Variants in ERMP1 observed in about 807,000 individuals in gnomAD.
ERMP1 encodes the protein endoplasmic reticulum metallopeptidase 1, also known as Felix-ina.
In ERMP1, 86 loss-of-function variants were observed where a neutral mutation model predicts 92.0. The ratio of observed to expected loss-of-function variants is 0.93; its 90% CI spans 0.79 to 1.12. The LOEUF (loss-of-function observed/expected upper bound fraction) is 1.12, where lower values mean the gene tolerates loss of function less well. ERMP1 is among the 50% of genes most tolerant of loss of function. The pLI is 0.00. For synonymous variants in ERMP1, 530 were observed against 412.8 expected (o/e 1.28, Z -3.44); for missense variants, 1,342 against 1,116.3 (o/e 1.20, Z -2.88).
intron 13 of ERMP1, among the ~76,000 whole-genome samples, chr9:5,790,319 T>C (rs1396298428): frequency 1.3e-5 from 2 of 151,932 alleles, no homozygotes; most frequent in Non-Finnish European, 1.5e-5. Flanking sequence ...TAAACATTCA[T>C]AAATGCCAGA....
At chr9:5,801,383 A>T (rs1020641913) in intron 10 of ERMP1, 55 bp from the exon 11 acceptor site, 7 of 1,551,704 alleles carry the variant, frequency 4.5e-6, no homozygotes, top group Non-Finnish European at 6.1e-6. Flanking sequence ...AGTGGTGGAA[A>T]GGTGTTTTTA....
intron 5 of ERMP1, among the ~76,000 whole-genome samples, chr9:5,861,063 T>C (rs932047984): frequency 3.9e-5 from 6 of 152,076 alleles, no homozygotes; most frequent in African/African-American, 1.4e-4. Flanking sequence ...TGGTATTCTG[T>C]TATAGCCACA....
intron 10 of ERMP1, among the ~76,000 whole-genome samples, chr9:5,801,923 T>C (rs1413488801): frequency 6.6e-6 from 1 of 152,172 alleles, no homozygotes; most frequent in Non-Finnish European, 1.5e-5. Flanking sequence ...TGTAAATGAC[T>C]CAGTCTCAAG....
At chr9:5,789,819 G>A (rs913807195) in intron 13 of ERMP1, among the ~76,000 whole-genome samples, 2 of 150,756 alleles carry the variant, frequency 1.3e-5, no homozygotes, top group Admixed American at 1.3e-4. Context: ...AAGTAGCTGG[G>A]ACTACAGATG....
chr9:5,838,766 G>A (rs747300877), intron 6 of ERMP1, among the ~76,000 whole-genome samples: 5 of 151,638 alleles, frequency 3.3e-5, no homozygotes, highest in Admixed American at 6.6e-5. Context: ...GTTTAATAAC[G>A]TGAGGGAAAT....
At chr9:5,841,956 C>T (rs1206661702) in intron 6 of ERMP1, among the ~76,000 whole-genome samples, 12 of 152,230 alleles carry the variant, frequency 7.9e-5, no homozygotes, top group African/African-American at 1.4e-4. Context: ...TTAAAGGTGG[C>T]GCATCCGGAG....
chr9:5,825,625 C>T (rs955035371), intron 2 of ERMP1, among the ~76,000 whole-genome samples: 2 of 152,230 alleles, frequency 1.3e-5, no homozygotes, highest in Non-Finnish European at 2.9e-5. Flanking sequence ...CCTGCATCAT[C>T]TCCCACTGCA....
intron 6 of ERMP1, among the ~76,000 whole-genome samples, chr9:5,844,132 A>T (rs866984787): frequency 1.3e-5 from 2 of 152,112 alleles, no homozygotes; most frequent in South Asian, 4.2e-4. Context: ...TTAAAATTAG[A>T]CACCCTGTCC....
At position 5,784,980 on chromosome 9, in the gene ERMP1, A is replaced by C. The variant is rs979232092; in HGVS notation, c.*2164T>G. 1.3e-5 allele frequency: 2 copies of C among 152,186 alleles called. No homozygotes were observed. Among genetic ancestry groups the C allele is most frequent in the African/African-American group, 2.4e-5 (1 of 41,432 alleles). 9.4% of individuals were successfully genotyped at this position (152,186 alleles called of 1,614,324 possible). ...CTCTTTAAAAATTTTTTTTAATCTCAGAATCTACTAATGTGACAGACAAAC... is the reference window on the plus strand; with the variant it reads ...CTCTTTAAAAATTTTTTTTAATCTCCGAATCTACTAATGTGACAGACAAAC... On this transcript the variant is annotated 3_prime_UTR_variant, in exon 15 of 15. Transcript: ENST00000339450.
chr9:5,816,826 T>G (rs1274326771), intron 4 of ERMP1, among the ~76,000 whole-genome samples: 4 of 151,984 alleles, frequency 2.6e-5, no homozygotes, highest in Non-Finnish European at 5.9e-5. Flanking sequence ...CTGTCCAAGG[T>G]TCCACGTGTA....
Position 5,830,985 on chromosome 9 carries a change from C to A in ERMP1, c.382G>T (p.Gly128Ter). The change falls in exon 2 of 15, where the codon GGA (glycine) becomes TGA (stop). Residue 128 changes from glycine to a stop codon, truncating the protein, a stop_gained. Transcript: ENST00000339450. LOFTEE classifies it high-confidence loss of function. ...HITSIGPRTT[G>*]SPENEILTVH... ...GTCAGAATTTCATTTTCTGGACTTC[C>A]TGTAGTCCTGGGGCCAATGGAGGTT... 2 of 1,614,016 alleles carry A rather than the reference C, an allele frequency of 1.2e-6. No homozygotes were observed. The highest frequency in any genetic ancestry group is 8.5e-7 in the Non-Finnish European group (1 of 1,179,914).
In ERMP1 at chr9:5,830,932, T is replaced by C; in HGVS notation, c.435A>G (p.Lys145=). ...LTVHYLLEQI[K]LIEVQSNSLH... ...GGCTGTTGCTTTGCACTTCAATCAG[T>C]TTAATCTGTTCCAAAAGGTAGTGCA... Residue 145 remains lysine, a synonymous_variant, in exon 2 of 15, where the codon AAA becomes AAG. Coordinates refer to ENST00000339450, the MANE Select transcript of ERMP1 (RefSeq NM_024896.3). 3 of 1,614,042 alleles carry C rather than the reference T, an allele frequency of 1.9e-6. No homozygotes were observed. In the South Asian group the frequency reaches 3.3e-5, roughly 18 times the overall value.
Position 5,841,097 on chromosome 9 carries a change from T to C in ERMP1, n.3200-7785A>G, listed in dbSNP as rs1039716131. Among the ~76,000 whole-genome samples, 4 of 152,220 alleles carry C rather than the reference T, an allele frequency of 2.6e-5. No homozygotes were observed. The East Asian group carries it at 7.7e-4, about 29-fold the overall frequency. ...ACCCTTGCAGGTATGTACCTCTTTATTAGTTCCTTCTTGTGAAAGGCGGTG... is the reference window on the plus strand; with the variant it reads ...ACCCTTGCAGGTATGTACCTCTTTACTAGTTCCTTCTTGTGAAAGGCGGTG... On this transcript the variant is annotated intron_variant and non_coding_transcript_variant, in intron 6 of 6. Coordinates refer to the ERMP1 transcript ENST00000690753.
chr9:5,833,356 AAC>A (rs1830033862), upstream of ERMP1, among the ~76,000 whole-genome samples: 2 of 152,316 alleles, frequency 1.3e-5, no homozygotes, highest in South Asian at 4.1e-4. Flanking sequence ...CTTTTGAAAG[AAC>A]ACACAAGGCT....
chr9:5,822,262 A>C (rs1346173916), intron 4 of ERMP1, among the ~76,000 whole-genome samples: 3 of 152,076 alleles, frequency 2.0e-5, no homozygotes, highest in Admixed American at 6.5e-5. Context: ...AAAATAAATA[A>C]ATAAATATAT....
chr9:5,798,847 A>C lies in ERMP1; in HGVS notation c.2229T>G (p.Leu743=). ...IRAHCEENAP[L]CGFPWYLPVH... is the part of the protein sequence containing the mutation. ...CTGGAAGATACCAAGGAAAACCACA[A>C]AGAGGTGCATTCTCCTCACAGTGAG... The change falls in exon 12 of 15, where the codon CTT becomes CTG. Residue 743 remains leucine (L), a synonymous_variant. Transcript: ENST00000339450. 5.0e-6 allele frequency: 8 copies of C among 1,613,896 alleles called. No homozygotes were observed. Among genetic ancestry groups the C allele is most frequent in the Non-Finnish European group, 6.8e-6 (8 of 1,179,858 alleles).
At chr9:5,865,245 G>A (rs1448900019) in intron 5 of ERMP1, among the ~76,000 whole-genome samples, 9 of 152,234 alleles carry the variant, frequency 5.9e-5, no homozygotes, top group South Asian at 2.1e-4. Context: ...AGTGGCTTAC[G>A]CCTGTAATCC....
intron 5 of ERMP1, among the ~76,000 whole-genome samples, chr9:5,865,250 T>C (rs577818001): frequency 1.5e-3 from 228 of 152,316 alleles, no homozygotes; most frequent in Non-Finnish European, 2.9e-3. Context: ...CTTACGCCTG[T>C]AATCCCAGCA....
intron 5 of ERMP1, among the ~76,000 whole-genome samples, chr9:5,861,197 G>GTGTGTGTGTGTA (rs1554630218): frequency 1.1e-4 from 16 of 148,630 alleles, no homozygotes; most frequent in Non-Finnish European, 7.4e-5. Flanking sequence ...GTGTGTGTGT[G>GTGTGTGTGTGTA]TGTGTGTGTG....
Sources: gnomAD v4.1 joint callset for allele counts (sites outside exome capture counted in the v4.1 genomes callset) on GRCh38, gnomAD v4.1.1 for gene constraint, MANE v1.5 for transcripts, NCBI Gene and HGNC (gene_info 2026-07-23, HGNC 2026-07-21) for gene names.